RASL11B: variants seen among roughly 807,000 people sequenced by gnomAD.
The protein encoded by RASL11B is RAS like family 11 member B.
Under a neutral mutation model 22.9 loss-of-function variants are expected in RASL11B, and 14 were observed. That is an observed-to-expected ratio of 0.61 (90% confidence interval 0.40 to 0.96). The LOEUF is 0.96. RASL11B is among the 40% of genes least tolerant of loss of function. The pLI is 0.00. For synonymous variants in RASL11B, 143 were observed against 130.2 expected, an observed-to-expected ratio of 1.10 and a Z score of -0.67; for missense variants, 261 against 322.0, an observed-to-expected ratio of 0.81 and a Z score of 1.45.
Position 52,862,504 on chromosome 4 carries a change from G to C in RASL11B, c.-4G>C, listed in dbSNP as rs746134759. The C allele has an allele frequency of 1.2e-6, 2 of 1,602,676 alleles. No homozygotes were observed. Among genetic ancestry groups the C allele is most frequent in the South Asian group, 2.2e-5 (2 of 90,278 alleles). On this transcript the variant is annotated 5_prime_UTR_variant, in exon 1 of 4. Transcript: ENST00000248706. ...TTCCCGCGCGGTGCGCCGCAGCCGA[G>C]GCGATGCGCCTCATTCAGAACATGT... is the stretch of plus-strand genomic sequence containing the variant.
Position 52,865,594 on chromosome 4 carries a change from A to G in RASL11B, c.536A>G (p.Tyr179Cys), listed in dbSNP as rs759549908. 3 of 1,614,034 alleles carry G rather than the reference A, an allele frequency of 1.9e-6. No homozygotes were observed. The highest frequency in any genetic ancestry group is 2.2e-5 in the South Asian group (2 of 91,084). ...GCCAGCATGCTAGGCTGCTCATTCT[A>G]TGAAGTGTCTGTCAGTGAAAATTAT... ...QLASMLGCSF[Y>C]EVSVSENYND... The change falls in exon 4 of 4, where the codon TAT becomes TGT. Residue 179 changes from tyrosine (Y) to cysteine (C), a missense_variant. Tyr to Cys is a radical substitution (Grantham distance 194). Coordinates refer to ENST00000248706, the MANE Select transcript of RASL11B (RefSeq NM_023940.3).
intron 2 of RASL11B, 74 bp downstream of exon 2, chr4:52,863,398 A>G: frequency 2.3e-6 from 3 of 1,285,724 alleles, no homozygotes; most frequent in Non-Finnish European, 2.2e-6. Context: ...AGCGCTTCCC[A>G]GGGAGGTTCT....
At chr4:52,863,889 G>A (rs1718208761) in intron 2 of RASL11B, among the ~76,000 whole-genome samples, 1 of 152,206 alleles carries the variant, frequency 6.6e-6, no homozygotes, top group South Asian at 2.1e-4. Flanking sequence ...AGGCTTAAGA[G>A]CTTTCTGCCT....
chr4:52,865,297 T>A, intron 3 of RASL11B, 38 bp from the exon 4 acceptor site: 1 of 1,533,942 alleles, frequency 6.5e-7, no homozygotes, highest in South Asian at 1.2e-5. Context: ...TTTGTACAAC[T>A]GGCCAGCATT....
rs73250915 is a variant in RASL11B at position 52,863,482 on chromosome 4, C to T, written c.199+158C>T. ...AGTCCCCAGCCCTCCATGGCGCCCC[C>T]CTCCCATAACTACCATCTGGCCTCA... On this transcript the variant is annotated intron_variant, in intron 2 of 3. Transcript: ENST00000248706. 55 of 643,318 alleles carry T rather than the reference C, an allele frequency of 8.5e-5. 1 individual carries two copies. The highest frequency in any genetic ancestry group is 6.0e-4 in the East Asian group (22 of 36,562). The allele number at this position is 643,318 out of a possible 1,614,324, so 39.9% of individuals were successfully genotyped here.
Position 52,865,980 on chromosome 4 carries a change from G to A in RASL11B, c.*175G>A, listed in dbSNP as rs764827803. 25 of 607,592 alleles carry A rather than the reference G, an allele frequency of 4.1e-5. No homozygotes were observed. The highest frequency in any genetic ancestry group is 2.6e-4 in the African/African-American group (14 of 53,980). 37.6% of individuals were successfully genotyped at this position (607,592 alleles called of 1,614,324 possible). On this transcript the variant is annotated 3_prime_UTR_variant, in exon 4 of 4. Transcript: ENST00000248706. ...AAAGGAAGTGTTGTTCTGAGCAGGGGGACAGGATTGATGAGGCTTGAAAGA... is the reference window on the plus strand; with the variant it reads ...AAAGGAAGTGTTGTTCTGAGCAGGGAGACAGGATTGATGAGGCTTGAAAGA...
chr4:52,863,199 A>AG (rs928786374), intron 1 of RASL11B, 69 bp from the exon 2 acceptor site: 1 of 1,374,348 alleles, frequency 7.3e-7, no homozygotes, highest in African/African-American at 1.4e-5. Flanking sequence ...TTTTCCAGGC[A>AG]GGGGGTGGGG....
At position 52,865,484 on chromosome 4, in the gene RASL11B, C is replaced by T; in HGVS notation, c.426C>T (p.Gly142=). 3 of 1,614,244 alleles carry T rather than the reference C, an allele frequency of 1.9e-6. No individual in the cohort carries two copies. Among genetic ancestry groups the T allele is most frequent in the South Asian group, 1.1e-5 (1 of 91,082 alleles). Residue 142 remains glycine (G), a synonymous_variant, in exon 4 of 4, where the codon GGC becomes GGT. Coordinates refer to ENST00000248706, the MANE Select transcript of RASL11B (RefSeq NM_023940.3). The part of the protein sequence containing the change: ...LHQHVQQLHL[G]TRLPVVVVAN... ...AGCACGTGCAGCAGCTACACCTGGG[C>T]ACCCGGCTGCCTGTGGTGGTCGTGG...
intron 1 of RASL11B, among the ~76,000 whole-genome samples, chr4:52,862,960 C>T (rs1375570749): frequency 9.4e-6 from 1 of 106,664 alleles, no homozygotes; most frequent in Non-Finnish European, 2.1e-5. Context: ...GTGAAGCTAG[C>T]CCCCCTGGGA....
intron 2 of RASL11B, chr4:52,864,257 A>G: frequency 2.2e-6 from 1 of 447,388 alleles, no homozygotes; most frequent in Non-Finnish European, 4.0e-6. Context: ...TAAGTTTTCA[A>G]AAACTTGCAA....
In RASL11B at chr4:52,864,705, C is replaced by G. The variant is rs1577783398; in HGVS notation, c.276+151C>G. The G allele has an allele frequency of 1.0e-5, 7 of 677,776 alleles. No individual in the cohort carries two copies. In the East Asian group the frequency reaches 1.8e-4, roughly 17 times the overall value. 42.0% of individuals were successfully genotyped at this position (677,776 alleles called of 1,614,324 possible). ...TGTCTGACAATTCAATTGTATCTGGCTGTTGGTCGATCTTAGCATGGTTTA... is the reference window on the plus strand; with the variant it reads ...TGTCTGACAATTCAATTGTATCTGGGTGTTGGTCGATCTTAGCATGGTTTA... On this transcript the variant is annotated intron_variant, in intron 3 of 3. Transcript: ENST00000248706.
chr4:52,863,663 A>T (rs1355355764), intron 2 of RASL11B: 3 of 255,088 alleles, frequency 1.2e-5, no homozygotes, highest in Non-Finnish European at 2.3e-5. Flanking sequence ...AAAAAAAAGG[A>T]GTCCCTAGCT....
At position 52,865,772 on chromosome 4, in the gene RASL11B, C is replaced by G; in HGVS notation, c.714C>G (p.Leu238=). ...TGAAGAGGAGGTTTAAGCAAGCCCT[C>G]TCTGCCAAAGTGAGGACTGTCACCT... is the stretch of plus-strand genomic sequence containing the variant. ...QDLKRRFKQA[L]SAKVRTVTSV is the part of the protein sequence containing the mutation. The change falls in exon 4 of 4, where the codon CTC becomes CTG. Residue 238 remains leucine, a synonymous_variant. Coordinates refer to ENST00000248706, the MANE Select transcript of RASL11B (RefSeq NM_023940.3). 1 of 1,613,902 alleles carries G rather than the reference C, an allele frequency of 6.2e-7. No homozygotes were observed.
intron 3 of RASL11B, 67 bp downstream of exon 3, chr4:52,864,621 C>T: frequency 9.8e-7 from 1 of 1,021,240 alleles, no homozygotes; most frequent in Non-Finnish European, 1.6e-6. Context: ...CACTTCTTCT[C>T]AAAGTTCCTC....
chr4:52,863,032 C>T (rs1718189955), intron 1 of RASL11B, among the ~76,000 whole-genome samples: 1 of 152,140 alleles, frequency 6.6e-6, no homozygotes, highest in Non-Finnish European at 1.5e-5. Context: ...CAGCCGGGCT[C>T]AGAGGAGGGG....
At chr4:52,864,632 A>G (rs1265345214) in intron 3 of RASL11B, 78 bp downstream of exon 3, 11 of 953,282 alleles carry the variant, frequency 1.2e-5, no homozygotes, top group East Asian at 2.4e-5. Flanking sequence ...AAAGTTCCTC[A>G]TGCTGCAGGA....
In RASL11B at chr4:52,866,169, A is replaced by G. The variant is rs1488792107; in HGVS notation, c.*364A>G. 1 of 225,712 alleles carries G rather than the reference A, an allele frequency of 4.4e-6. No individual in the cohort carries two copies. Among genetic ancestry groups the G allele is most frequent in the Non-Finnish European group, 8.7e-6 (1 of 115,244 alleles). 14.0% of individuals were successfully genotyped at this position (225,712 alleles called of 1,614,324 possible). ...TGATGTGATTTACAGTGGGAATGAA[A>G]GAACAGATTAAGCATTGATAGGCTT... On this transcript the variant is annotated 3_prime_UTR_variant, in exon 4 of 4. Transcript: ENST00000248706.
intron 1 of RASL11B, 37 bp downstream of exon 1, chr4:52,862,686 A>G (rs1310684004): frequency 1.3e-6 from 2 of 1,500,604 alleles, no homozygotes; most frequent in African/African-American, 2.9e-5. Flanking sequence ...CTGGTCTTGG[A>G]CGACCCCTGA....
intron 2 of RASL11B, 72 bp downstream of exon 2, chr4:52,863,396 C>T: frequency 7.8e-7 from 1 of 1,289,144 alleles, no homozygotes; most frequent in Non-Finnish European, 1.1e-6. Flanking sequence ...CCAGCGCTTC[C>T]CAGGGAGGTT....
Sources: gnomAD v4.1 joint callset for allele counts (sites outside exome capture counted in the v4.1 genomes callset) on GRCh38, gnomAD v4.1.1 for gene constraint, MANE v1.5 for transcripts, NCBI Gene and HGNC (gene_info 2026-07-23, HGNC 2026-07-21) for gene names.